Variants in RFK observed in about 807,000 individuals in gnomAD.
RFK encodes the protein riboflavin kinase, also known as 0610038L10Rik.
A neutral mutation model predicts 17.6 loss-of-function variants in RFK; 4 were observed. That is an observed-to-expected ratio of 0.23 (90% CI 0.11 to 0.52). The LOEUF (loss-of-function observed/expected upper bound fraction) is 0.52. Ranked by LOEUF, RFK falls within the 20% of genes least tolerant of loss-of-function variation. The probability of loss-of-function intolerance (pLI) is 0.96; values close to 1 mark genes in which losing one functional copy is unlikely to be tolerated. For synonymous variants in RFK, 59 were observed against 63.8 expected (o/e 0.92, Z 0.36); for missense variants, 189 against 187.7 (o/e 1.01, Z -0.04).
At chr9:76,392,720 T>G in intron 1 of RFK, 151 bp from the exon 2 acceptor site, 1 of 688,536 alleles carries the variant, frequency 1.5e-6, no homozygotes, top group Non-Finnish European at 2.4e-6. Flanking sequence ...CCGGCCCGGG[T>G]AACATAGTGA....
chr9:76,392,706 G>A, intron 1 of RFK, 137 bp from the exon 2 acceptor site: 2 of 775,100 alleles, frequency 2.6e-6, no homozygotes, highest in Non-Finnish European at 4.1e-6. Flanking sequence ...TCTGGGGTTT[G>A]AGACCGGCCC....
intron 3 of RFK, chr9:76,388,206 T>C (rs1417470785): frequency 2.1e-6 from 1 of 474,510 alleles, no homozygotes; most frequent in Admixed American, 2.3e-5. Context: ...TCAAATGTTC[T>C]CTGATTTACT....
Position 76,389,539 on chromosome 9 carries a change from C to T in RFK, c.235-883G>A, listed in dbSNP as rs139464550. Among the ~76,000 whole-genome samples the T allele has an allele frequency of 2.0e-4, 30 of 152,250 alleles. No homozygotes were observed. In the East Asian group the frequency reaches 5.6e-3, roughly 28 times the overall value. The stretch of plus-strand genomic sequence containing the variant: ...CTTTGGGAGGCGGAGCCAGGAGGAT[C>T]ACTTGAGGTCAAGAGTTCAAGACCA... On this transcript the variant is annotated intron_variant, in intron 2 of 3. Transcript: ENST00000376736.
At chr9:76,391,570 C>G (rs2131554739) in intron 2 of RFK, among the ~76,000 whole-genome samples, 1 of 152,282 alleles carries the variant, frequency 6.6e-6, no homozygotes, top group Middle Eastern at 3.4e-3. Flanking sequence ...TTAATTGTGG[C>G]AAGCTCAATT....
intron 3 of RFK, chr9:76,388,196 T>C (rs1008353815): frequency 2.1e-6 from 1 of 468,778 alleles, no homozygotes; most frequent in Non-Finnish European, 4.2e-6. Context: ...GTAACATGTT[T>C]CAAATGTTCT....
chr9:76,388,730 T>G, intron 2 of RFK, 74 bp from the exon 3 acceptor site: 1 of 801,638 alleles, frequency 1.2e-6, no homozygotes, highest in East Asian at 2.5e-5. Context: ...TCTTCATGTT[T>G]ATGGTGAGTT....
At chr9:76,387,672 A>G in intron 3 of RFK, 143 bp from the exon 4 acceptor site, 2 of 715,896 alleles carry the variant, frequency 2.8e-6, no homozygotes, top group Non-Finnish European at 4.5e-6. Context: ...TTGTTCCATC[A>G]CTCCTTCCAG....
chr9:76,393,879 T>C (rs1238357239), intron 1 of RFK: 3 of 553,934 alleles, frequency 5.4e-6, no homozygotes, highest in Non-Finnish European at 9.5e-6. Context: ...CTCAACCCCG[T>C]CCCCGCGGAG....
chr9:76,390,064 G>C (rs1822797325), intron 2 of RFK, among the ~76,000 whole-genome samples: 1 of 152,110 alleles, frequency 6.6e-6, no homozygotes, highest in African/African-American at 2.4e-5. Flanking sequence ...GTGAATTTTT[G>C]GACTCACACA....
At chr9:76,393,569 T>C (rs533836054) in intron 1 of RFK, 1 of 152,912 alleles carries the variant, frequency 6.5e-6, no homozygotes, top group African/African-American at 2.4e-5. Context: ...GACGCAGCTC[T>C]GGCATGTATT....
At chr9:76,391,288 T>C (rs1822817025) in intron 2 of RFK, among the ~76,000 whole-genome samples, 1 of 152,244 alleles carries the variant, frequency 6.6e-6, no homozygotes, top group Admixed American at 6.5e-5. Context: ...GAACAAAATT[T>C]AGCTTCACTG....
At position 76,387,274 on chromosome 9, in the gene RFK, G is replaced by C; in HGVS notation, c.*125C>G. On this transcript the variant is annotated 3_prime_UTR_variant, in exon 4 of 4. Coordinates refer to ENST00000376736, the MANE Select transcript of RFK (RefSeq NM_018339.6). The stretch of plus-strand genomic sequence containing the variant: ...GCATGATATGATAACAACATTGTAC[G>C]GTTTAAACTAATTCACAACTGTAGT... The C allele has an allele frequency of 1.2e-6, 1 of 828,974 alleles. No homozygotes were observed. The highest frequency in any genetic ancestry group is 1.9e-6 in the Non-Finnish European group (1 of 525,298). The allele number at this position is 828,974 out of a possible 1,614,324, so 51.4% of individuals were successfully genotyped here.
chr9:76,385,863 T>C lies in RFK; in HGVS notation c.*1536A>G, dbSNP rs112776455. 3 of 152,316 alleles carry C rather than the reference T, an allele frequency of 2.0e-5. No homozygotes were observed. Among genetic ancestry groups the C allele is most frequent in the African/African-American group, 7.2e-5 (3 of 41,576 alleles). 9.4% of individuals were successfully genotyped at this position (152,316 alleles called of 1,614,324 possible). A position where few individuals can be genotyped will look rare whatever the true frequency, so the allele number is the denominator to read the frequency against. ...ATTGAGGTTTCTTTCAAGTATAAGA[T>C]TTCTAAAATTAAAAACTGTTTTTGA... On this transcript the variant is annotated 3_prime_UTR_variant, in exon 4 of 4. Transcript: ENST00000376736.
rs1271134428 is a variant in RFK at position 76,393,204 on chromosome 9, CTTTCTT to C, written c.83-641_83-636del. On this transcript the variant is annotated intron_variant, in intron 1 of 3. Coordinates refer to ENST00000376736, the MANE Select transcript of RFK (RefSeq NM_018339.6). ...AGGTACTGAATCACCTGAAAAGTTT[CTTTCTT>C]TTTTTTTTTTTTTTGAGACGGTGTC... Among the ~76,000 whole-genome samples, 17 of 129,958 alleles carry C rather than the reference CTTTCTT, an allele frequency of 1.3e-4. No individual in the cohort carries two copies. In the East Asian group the frequency reaches 3.8e-3, roughly 29 times the overall value. 85.3% of individuals were successfully genotyped at this position (129,958 alleles called of 152,430 possible).
rs879875989 is a variant in RFK at position 76,386,180 on chromosome 9, T to C, written c.*1219A>G. The C allele has an allele frequency of 3.9e-5, 6 of 152,144 alleles. No individual in the cohort carries two copies. Among genetic ancestry groups the C allele is most frequent in the Admixed American group, 1.3e-4 (2 of 15,262 alleles). 9.4% of individuals were successfully genotyped at this position (152,144 alleles called of 1,614,324 possible). A position where few individuals can be genotyped will look rare whatever the true frequency, so the allele number is the denominator to read the frequency against. On this transcript the variant is annotated 3_prime_UTR_variant, in exon 4 of 4. Coordinates refer to ENST00000376736, the MANE Select transcript of RFK (RefSeq NM_018339.6). ...GGCCCAAAGCATCTGTAATCTTAAT[T>C]TCCCACATATTAGTTAGTAGGAGGA... is the stretch of plus-strand genomic sequence containing the variant.
In RFK at chr9:76,394,115, G is replaced by A. The variant is rs1822858816; in HGVS notation, c.57C>T (p.Gly19=). The A allele has an allele frequency of 1.9e-6, 3 of 1,609,136 alleles. No individual in the cohort carries two copies. The African/African-American group carries it at 4.0e-5, about 21-fold the overall frequency. The part of the protein sequence containing the change: ...RGQVVRGFGR[G]SKQLGIPTAN... ...CTGTGGGGATGCCCAGCTGCTTGGAGCCGCGGCCGAAGCCCCGCACCACTT... is the reference window on the plus strand; with the variant it reads ...CTGTGGGGATGCCCAGCTGCTTGGAACCGCGGCCGAAGCCCCGCACCACTT... Residue 19 remains glycine, a synonymous_variant, in exon 1 of 4, where the codon GGC becomes GGT. Transcript: ENST00000376736.
At chr9:76,387,946 A>C (rs1192742657) in intron 3 of RFK, 2 of 247,352 alleles carry the variant, frequency 8.1e-6, no homozygotes, top group Non-Finnish European at 1.6e-5. Flanking sequence ...TTGCGGTGAG[A>C]GGGGGCGTCA....
At position 76,394,237 on chromosome 9, in the gene RFK, C is replaced by T. The variant is rs1231207896; in HGVS notation, c.-66G>A. 3 of 1,500,002 alleles carry T rather than the reference C, an allele frequency of 2.0e-6. No individual in the cohort carries two copies. The highest frequency in any genetic ancestry group is 1.4e-5 in the African/African-American group (1 of 69,978). The allele number at this position is 1,500,002 out of a possible 1,614,324, so 92.9% of individuals were successfully genotyped here. On this transcript the variant is annotated 5_prime_UTR_variant, in exon 1 of 4. Transcript: ENST00000376736. ...GCGTCCTGCGGAGCCGCCGTCGACG[C>T]GGCGCCCAGACCCCGGACCAGCCGG...
chr9:76,389,829 A>C (rs910574412), intron 2 of RFK, among the ~76,000 whole-genome samples: 6 of 152,238 alleles, frequency 3.9e-5, no homozygotes, highest in African/African-American at 1.4e-4. Flanking sequence ...GACAATTACA[A>C]GACATTATTG....
Sources: allele counts gnomAD v4.1 joint callset (sites outside exome capture counted in the v4.1 genomes callset), GRCh38; gene constraint gnomAD v4.1.1; transcripts MANE v1.5; gene names NCBI Gene and HGNC (gene_info 2026-07-23, HGNC 2026-07-21).